Variants in POFUT4 observed in about 807,000 individuals in gnomAD.
POFUT4 encodes GDP-fucose protein O-fucosyltransferase 4.
the POFUT4 span, chr10:73,772,374 G>A: frequency 1.3e-6 from 2 of 1,553,024 alleles, no homozygotes; most frequent in Admixed American, 2.0e-5. Flanking sequence ...GTCCTTCTAG[G>A]GGTGCTCAGT....
the POFUT4 span, chr10:73,775,666 T>G: frequency 6.2e-7 from 1 of 1,614,236 alleles, no homozygotes; most frequent in Non-Finnish European, 8.5e-7. Context: ...GAAATCTTCA[T>G]GAAGAGGCAA....
the POFUT4 span, chr10:73,772,574 T>G: frequency 6.3e-7 from 1 of 1,588,020 alleles, no homozygotes; most frequent in Non-Finnish European, 8.6e-7. Context: ...ACTGCTGTGG[T>G]GGAGCCCAGG....
chr10:73,773,898 A>G, the POFUT4 span: 3 of 1,432,572 alleles, frequency 2.1e-6, no homozygotes, highest in Non-Finnish European at 2.8e-6. Flanking sequence ...CTAGGTGCTG[A>G]GCAGGTGCAG....
chr10:73,772,766 C>T, the POFUT4 span: 11 of 1,608,104 alleles, frequency 6.8e-6, no homozygotes, highest in South Asian at 1.1e-5. Flanking sequence ...CTGGGCGCTC[C>T]TCCACGAGGA....
the POFUT4 span, chr10:73,772,875 T>C: frequency 1.9e-6 from 3 of 1,612,224 alleles, no homozygotes; most frequent in Non-Finnish European, 1.7e-6. Context: ...CCGCTGTCGC[T>C]GCAGTGGCTG....
chr10:73,776,159 G>A, the POFUT4 span: 6 of 153,078 alleles, frequency 3.9e-5, no homozygotes, highest in African/African-American at 1.4e-4. Context: ...AAAACATTTG[G>A]TGAGTTGTAT....
At chr10:73,775,760 C>A in the POFUT4 span, 1 of 1,413,924 alleles carries the variant, frequency 7.1e-7, no homozygotes, top group Non-Finnish European at 9.9e-7. Context: ...GGAGCATCCA[C>A]TGCACAAACC....
chr10:73,773,835 C>T, the POFUT4 span: 2 of 1,529,840 alleles, frequency 1.3e-6, no homozygotes, highest in South Asian at 2.5e-5. Flanking sequence ...CTGGGGTCCC[C>T]TGCAGCTATC....
the POFUT4 span, chr10:73,772,505 G>T: frequency 6.4e-7 from 1 of 1,561,338 alleles, no homozygotes; most frequent in Admixed American, 1.9e-5. Flanking sequence ...CGCAGTGGGG[G>T]TGACGCGCAG....
At chr10:73,780,060 T>C in the POFUT4 span, 2 of 152,342 alleles carry the variant, frequency 1.3e-5, no homozygotes, top group East Asian at 1.9e-4. Flanking sequence ...AACATGAATC[T>C]TCTGATTTGG....
At chr10:73,772,842 C>T in the POFUT4 span, 2 of 1,612,244 alleles carry the variant, frequency 1.2e-6, no homozygotes, top group African/African-American at 2.7e-5. Flanking sequence ...CTTACCTCCA[C>T]CTTCAGTCGC....
the POFUT4 span, among the ~76,000 whole-genome samples, chr10:73,778,466 A>G: frequency 4.0e-5 from 6 of 151,398 alleles, no homozygotes; most frequent in Non-Finnish European, 8.8e-5. Context: ...TGGTTTGAAC[A>G]TACAGTCTAA....
the POFUT4 span, chr10:73,775,248 C>T: frequency 3.2e-6 from 2 of 630,010 alleles, no homozygotes; most frequent in East Asian, 5.5e-5. Context: ...CACTTCCAGT[C>T]TGGCCTCTGC....
chr10:73,773,325 A>G, the POFUT4 span: 4 of 1,614,006 alleles, frequency 2.5e-6, no homozygotes, highest in Non-Finnish European at 3.4e-6. Context: ...GGCCCTGGAA[A>G]ATGCCATCTG....
chr10:73,773,822 G>T, the POFUT4 span: 1 of 1,553,344 alleles, frequency 6.4e-7, no homozygotes. Context: ...ACAGGTAAGA[G>T]TGCTGGGGTC....
chr10:73,776,830 C>T, the POFUT4 span, among the ~76,000 whole-genome samples: 1 of 152,128 alleles, frequency 6.6e-6, no homozygotes, highest in African/African-American at 2.4e-5. Context: ...CAGGCATGCA[C>T]CACCACGCCC....
the POFUT4 span, chr10:73,773,992 T>C: frequency 3.1e-6 from 2 of 637,558 alleles, no homozygotes; most frequent in East Asian, 5.8e-5. Context: ...AAAAGCTGAA[T>C]AGATGTAAAA....
the POFUT4 span, chr10:73,775,246 GTC>G: frequency 1.6e-6 from 1 of 629,330 alleles, no homozygotes; most frequent in Non-Finnish European, 2.8e-6. Context: ...GCCACTTCCA[GTC>G]TGGCCTCTGC....
chr10:73,772,806 A>G, the POFUT4 span: 1 of 1,611,794 alleles, frequency 6.2e-7, no homozygotes, highest in Non-Finnish European at 8.5e-7. Flanking sequence ...TTGCTGAGCC[A>G]CGGCCCGGGC....
Sources: allele counts gnomAD v4.1 joint callset (sites outside exome capture counted in the v4.1 genomes callset), GRCh38; gene constraint gnomAD v4.1.1; transcripts MANE v1.5; gene names NCBI Gene and HGNC (gene_info 2026-07-23, HGNC 2026-07-21).